PDE1A: variants seen among roughly 807,000 people sequenced by gnomAD.
PDE1A encodes the protein phosphodiesterase 1A.
A neutral mutation model predicts 61.7 loss-of-function variants in PDE1A; 35 were observed. The observed-to-expected ratio is 0.57, with a 90% CI of 0.43 to 0.75. PDE1A has a LOEUF of 0.75. Ranked by LOEUF, PDE1A falls within the 30% of genes least tolerant of loss-of-function variation. The probability of loss-of-function intolerance (pLI) is 0.00; values close to 1 mark genes in which losing one functional copy is unlikely to be tolerated. For missense variants in PDE1A, 597 were observed against 630.6 expected, an observed-to-expected ratio of 0.95 and a Z score of 0.57; for synonymous variants, 232 against 213.2, an observed-to-expected ratio of 1.09 and a Z score of -0.77.
chr2:182,437,029 A>G (rs181000679), intron 2 of PDE1A, among the ~76,000 whole-genome samples: 1 of 152,128 alleles, frequency 6.6e-6, no homozygotes, highest in East Asian at 1.9e-4. Flanking sequence ...AGACACATTT[A>G]TCTGGTTTGG....
intron 2 of PDE1A, among the ~76,000 whole-genome samples, chr2:182,483,234 G>T (rs531797690): frequency 6.6e-6 from 1 of 151,880 alleles, no homozygotes; most frequent in Non-Finnish European, 1.5e-5. Context: ...AATTATAGTT[G>T]TATATTTTAA....
the PDE1A span, among the ~76,000 whole-genome samples, chr2:182,567,595 T>C: frequency 2.3e-3 from 349 of 152,270 alleles, 2 homozygotes; most frequent in African/African-American, 7.6e-3. Context: ...TGATTTCTAA[T>C]TGCTCAACAA....
chr2:182,304,851 C>A (rs539233914), intron 1 of PDE1A, among the ~76,000 whole-genome samples: 1 of 152,118 alleles, frequency 6.6e-6, no homozygotes, highest in East Asian at 1.9e-4. Context: ...ATATAGTTTG[C>A]AAGAATTACT....
the PDE1A span, among the ~76,000 whole-genome samples, chr2:182,629,615 A>G: frequency 6.6e-6 from 1 of 152,108 alleles, no homozygotes; most frequent in Non-Finnish European, 1.5e-5. Flanking sequence ...TCTAACACAC[A>G]GTCTTTTTGA....
At chr2:182,450,210 A>C (rs963670225) in intron 2 of PDE1A, among the ~76,000 whole-genome samples, 1 of 152,086 alleles carries the variant, frequency 6.6e-6, no homozygotes, top group Non-Finnish European at 1.5e-5. Context: ...TCAATACCAA[A>C]GGAAACAAAA....
intron 1 of PDE1A, among the ~76,000 whole-genome samples, chr2:182,377,595 T>C (rs1366037881): frequency 6.6e-6 from 1 of 152,068 alleles, no homozygotes; most frequent in Non-Finnish European, 1.5e-5. Context: ...AAGTGAAAAA[T>C]TGTATTACAA....
chr2:182,552,445 T>TG, the PDE1A span, among the ~76,000 whole-genome samples: 1 of 146,178 alleles, frequency 6.8e-6, no homozygotes, highest in Non-Finnish European at 1.5e-5. Flanking sequence ...CAAAGTTTTT[T>TG]TTTTTTTTTT....
intron 2 of PDE1A, among the ~76,000 whole-genome samples, chr2:182,496,224 C>T (rs1354550424): frequency 6.6e-6 from 1 of 151,922 alleles, no homozygotes; most frequent in Non-Finnish European, 1.5e-5. Flanking sequence ...AACTAGGCTA[C>T]AAAATATTGT....
At chr2:182,531,226 CAAAA>C in the PDE1A span, among the ~76,000 whole-genome samples, 3 of 150,716 alleles carry the variant, frequency 2.0e-5, no homozygotes, top group South Asian at 2.1e-4. Context: ...AAAACAGAAA[CAAAA>C]AACAGAAGAA....
the PDE1A span, among the ~76,000 whole-genome samples, chr2:182,699,871 C>G: frequency 6.6e-6 from 1 of 152,192 alleles, no homozygotes; most frequent in Non-Finnish European, 1.5e-5. Context: ...GACAAGAGGT[C>G]AACCAATTTG....
chr2:182,459,504 G>C (rs534558026), intron 2 of PDE1A, among the ~76,000 whole-genome samples: 28 of 152,180 alleles, frequency 1.8e-4, no homozygotes, highest in Admixed American at 5.9e-4. Context: ...GGTGAAGCTT[G>C]GTCAGAAAAG....
chr2:182,154,656 C>G (rs1012313025), intron 13 of PDE1A, among the ~76,000 whole-genome samples: 2 of 152,188 alleles, frequency 1.3e-5, no homozygotes, highest in Admixed American at 6.5e-5. Context: ...ACCTTTGCTT[C>G]TCCTTTGCCT....
At chr2:182,276,362 T>C (rs2125834020) in intron 1 of PDE1A, among the ~76,000 whole-genome samples, 1 of 152,238 alleles carries the variant, frequency 6.6e-6, no homozygotes. Flanking sequence ...TATGGACATA[T>C]ATCAGTTCCC....
At chr2:182,649,049 G>GGT in the PDE1A span, among the ~76,000 whole-genome samples, 1 of 152,142 alleles carries the variant, frequency 6.6e-6, no homozygotes, top group African/African-American at 2.4e-5. Flanking sequence ...AAAATTGTGA[G>GGT]GTGTGTGTAA....
chr2:182,194,191 T>G lies in PDE1A; in HGVS notation c.1126-5131A>C, dbSNP rs182218748. On this transcript the variant is annotated intron_variant, in intron 10 of 13. Transcript: ENST00000351439. ...TTTCATGTGTCACAAAACAGCTAGT[T>G]GAAGAAGGGAAAAATCCACGTAGTT... Among the ~76,000 whole-genome samples the G allele has an allele frequency of 4.5e-3, 684 of 152,236 alleles. 9 individuals are homozygous for G. Among genetic ancestry groups the G allele is most frequent in the Non-Finnish European group, 5.4e-3 (370 of 68,000 alleles).
chr2:182,396,309 C>T lies in PDE1A; in HGVS notation c.53+30269G>A, dbSNP rs535976159. Among the ~76,000 whole-genome samples, 6 of 152,316 alleles carry T rather than the reference C, an allele frequency of 3.9e-5. No homozygotes were observed. The South Asian group carries it at 8.3e-4, about 21-fold the overall frequency. ...GAAATCTTCCCAGTGGGCAGAACTTCGAGCAGTGCACCTGGTTGTGCACTT... is the reference window on the plus strand; with the variant it reads ...GAAATCTTCCCAGTGGGCAGAACTTTGAGCAGTGCACCTGGTTGTGCACTT... On this transcript the variant is annotated intron_variant, in intron 1 of 13. Coordinates refer to ENST00000351439, the Ensembl canonical transcript of PDE1A.
intron 2 of PDE1A, among the ~76,000 whole-genome samples, chr2:182,489,213 G>C (rs147920595): frequency 2.6e-5 from 4 of 152,158 alleles, no homozygotes; most frequent in African/African-American, 9.7e-5. Flanking sequence ...CCTAGGGCCT[G>C]AGCATGCCTC....
At chr2:182,602,240 A>G in the PDE1A span, among the ~76,000 whole-genome samples, 1 of 152,224 alleles carries the variant, frequency 6.6e-6, no homozygotes, top group South Asian at 2.1e-4. Flanking sequence ...GGGCAGCTGC[A>G]GCAACACCTG....
chr2:182,208,335 T>C (rs1687288115), intron 7 of PDE1A, among the ~76,000 whole-genome samples: 3 of 152,040 alleles, frequency 2.0e-5, no homozygotes, highest in Admixed American at 1.3e-4. Flanking sequence ...GCAAGGCACA[T>C]CTTAAATGGC....
Sources: gnomAD v4.1 joint callset for allele counts (sites outside exome capture counted in the v4.1 genomes callset) on GRCh38, gnomAD v4.1.1 for gene constraint, MANE v1.5 for transcripts, NCBI Gene and HGNC (gene_info 2026-07-23, HGNC 2026-07-21) for gene names.